Variants in GPC3 observed in about 807,000 individuals in gnomAD.
GPC3 encodes glypican-3.
Under a neutral mutation model 34.4 loss-of-function variants are expected in GPC3, and 3 were observed. The observed-to-expected ratio is 0.09, with a 90% CI of 0.04 to 0.23. The LOEUF is 0.23. Ranked by LOEUF, GPC3 falls within the 10% of genes least tolerant of loss-of-function variation. The pLI, the probability that GPC3 is intolerant of heterozygous loss-of-function variation, is 1.00. For missense variants in GPC3, 351 were observed against 445.6 expected (o/e 0.79, Z 1.91); for synonymous variants, 177 against 174.0 (o/e 1.02, Z -0.13).
intron 2 of GPC3, among the ~76,000 whole-genome samples, chrX:133,870,173 T>C (rs760683665): frequency 4.1e-4 from 46 of 111,863 alleles, no homozygotes; most frequent in Non-Finnish European, 7.9e-4. Flanking sequence ...ATTGAGCTTA[T>C]TTGCTGCAAA....
intron 6 of GPC3, among the ~76,000 whole-genome samples, chrX:133,655,500 A>ACACC (rs2070651080): frequency 3.7e-5 from 4 of 107,417 alleles, no homozygotes; most frequent in African/African-American, 1.4e-4. Flanking sequence ...ACACACACAC[A>ACACC]CACACCCACA....
chrX:133,948,726 A>G (rs1487199678), intron 2 of GPC3, among the ~76,000 whole-genome samples: 1 of 112,101 alleles, frequency 8.9e-6, no homozygotes, highest in African/African-American at 3.2e-5. Flanking sequence ...CACTTCAAAC[A>G]GTACAGCCTC....
At chrX:133,968,684 A>C (rs2267527) in intron 1 of GPC3, among the ~76,000 whole-genome samples, 1 of 108,504 alleles carries the variant, frequency 9.2e-6, no homozygotes, top group East Asian at 2.9e-4. Context: ...TTGAAGTCAC[A>C]CTAGTGGGAA....
chrX:133,882,978 G>A (rs1025646731), intron 2 of GPC3, among the ~76,000 whole-genome samples: 3 of 110,395 alleles, frequency 2.7e-5, no homozygotes, highest in Admixed American at 9.7e-5. Flanking sequence ...CTGCAGCCCC[G>A]GCAAAATACT....
chrX:133,874,371 T>C (rs1186015842), intron 2 of GPC3, among the ~76,000 whole-genome samples: 1 of 111,985 alleles, frequency 8.9e-6, no homozygotes, highest in African/African-American at 3.2e-5. Context: ...ATGTAATCTT[T>C]AAAGATTTGT....
At chrX:133,841,215 ATTTTTTTTTT>A (rs769696321) in intron 2 of GPC3, among the ~76,000 whole-genome samples, 974 of 39,283 alleles carry the variant, frequency 0.025, 46 homozygotes, top group African/African-American at 0.065. Context: ...TAATCTTTTA[ATTTTTTTTTT>A]TTTTTTTTTT....
At chrX:133,797,443 T>A (rs1204871402) in intron 2 of GPC3, among the ~76,000 whole-genome samples, 1 of 111,348 alleles carries the variant, frequency 9.0e-6, no homozygotes, top group Non-Finnish European at 1.9e-5. Flanking sequence ...CTTCCTATTA[T>A]CCATCTCTGG....
chrX:133,709,763 A>C (rs192736573), intron 3 of GPC3, among the ~76,000 whole-genome samples: 7 of 112,432 alleles, frequency 6.2e-5, no homozygotes, highest in African/African-American at 2.3e-4. Context: ...AGAAATGAAC[A>C]AACATTTGGC....
intron 3 of GPC3, among the ~76,000 whole-genome samples, chrX:133,744,189 T>C (rs773372759): frequency 9.8e-5 from 11 of 112,176 alleles, no homozygotes; most frequent in African/African-American, 3.6e-4. Flanking sequence ...AAAGAGCTTC[T>C]GCACAGCAAA....
intron 6 of GPC3, among the ~76,000 whole-genome samples, chrX:133,603,310 G>A (rs2070008593): frequency 9.1e-6 from 1 of 109,372 alleles, no homozygotes; most frequent in South Asian, 4.1e-4. Flanking sequence ...CAATCCTCTT[G>A]CCTCAGCTTC....
intron 6 of GPC3, 97 bp downstream of exon 6, chrX:133,661,618 CTCTCTCTCTCTCTCT>C (rs2070723499): frequency 1.2e-3 from 36 of 29,864 alleles, no homozygotes; most frequent in Non-Finnish European, 1.5e-3. Flanking sequence ...CTCTCTCTCT[CTCTCTCTCTCTCTCT>C]CCCCCCCCCC....
intron 7 of GPC3, among the ~76,000 whole-genome samples, chrX:133,558,534 G>A (rs1337244404): frequency 4.5e-5 from 5 of 110,804 alleles, no homozygotes; most frequent in Non-Finnish European, 7.5e-5. Flanking sequence ...GGTTGAAAAC[G>A]TATCAAATTC....
chrX:133,903,454 T>C (rs1012497252), intron 2 of GPC3, among the ~76,000 whole-genome samples: 1 of 109,962 alleles, frequency 9.1e-6, no homozygotes, highest in Non-Finnish European at 1.9e-5. Context: ...CCAGGCGCAG[T>C]GGCGTGCACC....
chrX:133,664,137 A>AT (rs1371051783), intron 5 of GPC3, among the ~76,000 whole-genome samples: 5 of 112,612 alleles, frequency 4.4e-5, no homozygotes, highest in Non-Finnish European at 9.4e-5. Flanking sequence ...TACTGTTTAC[A>AT]TTATGTATAA....
chrX:133,794,569 T>C (rs943839060), intron 2 of GPC3, among the ~76,000 whole-genome samples: 1 of 111,927 alleles, frequency 8.9e-6, no homozygotes, highest in Non-Finnish European at 1.9e-5. Context: ...TTTTTTGCGG[T>C]GCTTCTTTTT....
chrX:133,749,826 C>T (rs1402898368), intron 3 of GPC3, among the ~76,000 whole-genome samples: 2 of 111,139 alleles, frequency 1.8e-5, no homozygotes, highest in Non-Finnish European at 3.8e-5. Flanking sequence ...AGTTTTAAAC[C>T]AGCTTTTGCT....
intron 7 of GPC3, among the ~76,000 whole-genome samples, chrX:133,562,847 T>C (rs920809387): frequency 9.9e-5 from 11 of 110,589 alleles, no homozygotes; most frequent in Admixed American, 1.9e-4. Context: ...GCATGAGAGA[T>C]TGAGTAGCTC....
At chrX:133,832,347 C>T (rs1322491774) in intron 2 of GPC3, among the ~76,000 whole-genome samples, 3 of 109,337 alleles carry the variant, frequency 2.7e-5, no homozygotes, top group African/African-American at 1.0e-4. Flanking sequence ...GGGTTAAAGT[C>T]AGCTTCAGTC....
At chrX:133,624,860 A>C (rs1179865339) in intron 6 of GPC3, among the ~76,000 whole-genome samples, 4 of 111,160 alleles carry the variant, frequency 3.6e-5, no homozygotes, top group Admixed American at 2.9e-4. Context: ...CACAACAAAA[A>C]AAAAAAGAGA....
Sources: gnomAD v4.1 joint callset for allele counts (sites outside exome capture counted in the v4.1 genomes callset) on GRCh38, gnomAD v4.1.1 for gene constraint, MANE v1.5 for transcripts, NCBI Gene and HGNC (gene_info 2026-07-23, HGNC 2026-07-21) for gene names.